The following DSCAM variants were observed in gnomAD, a reference collection of about 807,000 sequenced individuals.
The protein encoded by DSCAM is DS cell adhesion molecule.
In DSCAM, 47 loss-of-function variants were observed where a neutral mutation model predicts 217.7. That is an observed-to-expected ratio of 0.22 (90% CI 0.17 to 0.28). The LOEUF (loss-of-function observed/expected upper bound fraction) is 0.28, where lower values mean the gene tolerates loss of function less well. Among genes scored for constraint, DSCAM ranks in the 10% least tolerant of loss-of-function variants. The pLI is 1.00. For missense variants in DSCAM, 2,080 were observed against 2,618.3 expected (o/e 0.79, Z 4.49); for synonymous variants, 1,056 against 1,015.3 (o/e 1.04, Z -0.76).
chr21:40,512,031 C>G lies in DSCAM; in HGVS notation c.509-142786G>C, dbSNP rs1411415972. 2.2e-5 allele frequency among the ~76,000 whole-genome samples: 3 copies of G among 136,090 alleles called. No homozygotes were observed. The East Asian group carries it at 6.5e-4, about 29-fold the overall frequency. The allele number at this position is 136,090 out of a possible 152,430, so 89.3% of individuals were successfully genotyped here. ...AAAAAGTATTCTATTTGAGGTCTTGCTTTTGGGGGAAACACTTGCATGCAA... is the reference window on the plus strand; with the variant it reads ...AAAAAGTATTCTATTTGAGGTCTTGGTTTTGGGGGAAACACTTGCATGCAA... On this transcript the variant is annotated intron_variant, in intron 3 of 32. Coordinates refer to ENST00000400454, the MANE Select transcript of DSCAM (RefSeq NM_001389.5).
intron 11 of DSCAM, among the ~76,000 whole-genome samples, chr21:40,196,550 C>T (rs537972888): frequency 9.6e-4 from 146 of 152,012 alleles, no homozygotes; most frequent in African/African-American, 3.4e-3. Flanking sequence ...AGGTCTTTTC[C>T]CCCACTAATT....
chr21:40,621,969 G>C (rs1189688335), intron 3 of DSCAM, among the ~76,000 whole-genome samples: 1 of 151,024 alleles, frequency 6.6e-6, no homozygotes, highest in Non-Finnish European at 1.5e-5. Context: ...GGAAAGAAAG[G>C]AGGGAGGGGA....
At chr21:40,669,164 C>A (rs183638573) in intron 3 of DSCAM, among the ~76,000 whole-genome samples, 1 of 152,088 alleles carries the variant, frequency 6.6e-6, no homozygotes, top group Non-Finnish European at 1.5e-5. Flanking sequence ...TATTTTGAGA[C>A]CCTAGACGAA....
intron 3 of DSCAM, among the ~76,000 whole-genome samples, chr21:40,600,527 T>G (rs552368907): frequency 2.0e-5 from 3 of 152,288 alleles, no homozygotes; most frequent in Admixed American, 1.3e-4. Flanking sequence ...ATCCAGACCA[T>G]AGCACCAACT....
chr21:40,078,397 C>G (rs2089399497), intron 26 of DSCAM, among the ~76,000 whole-genome samples: 1 of 152,164 alleles, frequency 6.6e-6, no homozygotes, highest in Non-Finnish European at 1.5e-5. Context: ...AAGCACAGAA[C>G]CACAGGGTCA....
intron 32 of DSCAM, among the ~76,000 whole-genome samples, chr21:40,020,004 T>A (rs2146418687): frequency 6.6e-6 from 1 of 152,250 alleles, no homozygotes; most frequent in African/African-American, 2.4e-5. Flanking sequence ...TTTATTTTCC[T>A]TCTAATATAG....
At chr21:40,176,933 A>C (rs1290638472) in intron 15 of DSCAM, among the ~76,000 whole-genome samples, 1 of 152,276 alleles carries the variant, frequency 6.6e-6, no homozygotes, top group African/African-American at 2.4e-5. Flanking sequence ...GAAACGAAGA[A>C]AAAAGCAACA....
chr21:40,843,035 C>A (rs1246598547), intron 1 of DSCAM, among the ~76,000 whole-genome samples: 1 of 152,142 alleles, frequency 6.6e-6, no homozygotes, highest in Non-Finnish European at 1.5e-5. Flanking sequence ...GAAGTGGAGG[C>A]AGCCCTGAAA....
chr21:40,079,141 T>C (rs1165500583), intron 25 of DSCAM, among the ~76,000 whole-genome samples, 164 bp from the exon 26 acceptor site: 3 of 152,216 alleles, frequency 2.0e-5, no homozygotes, highest in African/African-American at 7.2e-5. Flanking sequence ...AGAGACTTTA[T>C]GGACCAACAG....
intron 1 of DSCAM, among the ~76,000 whole-genome samples, chr21:40,842,918 G>T (rs1056990597): frequency 1.3e-5 from 2 of 152,140 alleles, no homozygotes; most frequent in South Asian, 2.1e-4. Context: ...CCTACAGAGG[G>T]CATCTTGGAG....
At chr21:40,548,950 A>C (rs2076607155) in intron 3 of DSCAM, among the ~76,000 whole-genome samples, 1 of 152,240 alleles carries the variant, frequency 6.6e-6, no homozygotes, top group Non-Finnish European at 1.5e-5. Context: ...CATGCCTGTA[A>C]TCCCAGCCTT....
chr21:40,508,650 C>A (rs2146052283), intron 3 of DSCAM, among the ~76,000 whole-genome samples: 1 of 149,376 alleles, frequency 6.7e-6, no homozygotes, highest in South Asian at 2.1e-4. Flanking sequence ...CTCTCAGTAG[C>A]CTCAAACTCC....
chr21:40,738,613 G>A (rs369583859), intron 1 of DSCAM, among the ~76,000 whole-genome samples: 2 of 152,134 alleles, frequency 1.3e-5, no homozygotes, highest in Non-Finnish European at 2.9e-5. Context: ...TTTCAAAGTG[G>A]AGGTCAATTA....
intron 3 of DSCAM, among the ~76,000 whole-genome samples, chr21:40,398,102 A>AT (rs1171570691): frequency 5.9e-5 from 9 of 152,254 alleles, no homozygotes; most frequent in Admixed American, 5.9e-4. Flanking sequence ...TCTGCTGGCT[A>AT]TTGCTGAAAA....
chr21:40,441,779 C>G (rs1311653834), intron 3 of DSCAM, among the ~76,000 whole-genome samples: 1 of 152,184 alleles, frequency 6.6e-6, no homozygotes, highest in African/African-American at 2.4e-5. Context: ...GTGCATGCAT[C>G]TTTTCCCATC....
At position 40,498,688 on chromosome 21, in the gene DSCAM, TATATATATAG is replaced by T. The variant is rs1377129141; in HGVS notation, c.509-129453_509-129444del. On this transcript the variant is annotated intron_variant, in intron 3 of 32. Transcript: ENST00000400454. ...ATACCCATATATATATATATATATA[TATATATATAG>T]ATATATATATATGGGTGTATATATA... is the stretch of plus-strand genomic sequence containing the variant. Among the ~76,000 whole-genome samples the T allele has an allele frequency of 6.5e-3, 43 of 6,630 alleles. 1 individual carries two copies. The highest frequency in any genetic ancestry group is 0.042 in the African/African-American group (26 of 614). 4.3% of individuals were successfully genotyped at this position (6,630 alleles called of 152,430 possible).
intron 3 of DSCAM, among the ~76,000 whole-genome samples, chr21:40,690,509 T>G (rs2090527583): frequency 6.6e-6 from 1 of 152,230 alleles, no homozygotes; most frequent in Non-Finnish European, 1.5e-5. Flanking sequence ...GATGCTGTTG[T>G]GAAGTACAAA....
intron 28 of DSCAM, 57 bp downstream of exon 28, chr21:40,062,812 C>T (rs534578109): frequency 1.2e-5 from 18 of 1,489,866 alleles, no homozygotes; most frequent in East Asian, 2.5e-5. Context: ...ATCATCAAGG[C>T]AAGTTGGAAA....
Position 40,144,285 on chromosome 21 carries a change from C to T in DSCAM, c.3259+206G>A, listed in dbSNP as rs539931708. 7.2e-5 allele frequency among the ~76,000 whole-genome samples: 11 copies of T among 152,272 alleles called. No homozygotes were observed. Among genetic ancestry groups the T allele is most frequent in the Non-Finnish European group, 1.6e-4 (11 of 68,022 alleles). On this transcript the variant is annotated intron_variant, in intron 17 of 32. Coordinates refer to ENST00000400454, the MANE Select transcript of DSCAM (RefSeq NM_001389.5). This position sits in a 1 kb window ranked among gnomAD's most constrained non-coding sequence, Gnocchi z 4.8. ...GTCTGAAAAGGGAGGGACTTGCTGG[C>T]TTTGCAGTCCAGCCCTGCCCCAGGG...
Sources: allele counts gnomAD v4.1 joint callset (sites outside exome capture counted in the v4.1 genomes callset), GRCh38; gene constraint gnomAD v4.1.1; non-coding constraint Gnocchi (gnomAD v3.1); transcripts MANE v1.5; gene names NCBI Gene and HGNC (gene_info 2026-07-23, HGNC 2026-07-21).